Variants in MAN2B1 observed in about 807,000 individuals in gnomAD.
MAN2B1 encodes mannosidase alpha class 2B member 1.
In MAN2B1, 99 loss-of-function variants were observed where a neutral mutation model predicts 127.5. The ratio of observed to expected loss-of-function variants is 0.78; its 90% confidence interval spans 0.66 to 0.92. The LOEUF (loss-of-function observed/expected upper bound fraction) is 0.92. Ranked by LOEUF, MAN2B1 falls within the 40% of genes least tolerant of loss-of-function variation. The pLI is 0.00. For missense variants in MAN2B1, 1,304 were observed against 1,384.8 expected (o/e 0.94, Z 0.93); for synonymous variants, 573 against 568.8 (o/e 1.01, Z -0.11).
chr19:12,649,986 G>A lies in MAN2B1; in HGVS notation c.2194C>T (p.Arg732Cys), dbSNP rs199700264. ...GDTWGKEVIS[R>C]FDTPLETKGR... ...TTTGTCTCCAGCGGTGTGTCAAAAC[G>A]GCTGATGACCTCCTTCCCCCAGGTG... Residue 732 changes from arginine to cysteine, a missense_variant, in exon 18 of 24, where the codon CGT becomes TGT. Coordinates refer to ENST00000456935, the MANE Select transcript of MAN2B1 (RefSeq NM_000528.4). The A allele has an allele frequency of 1.2e-5, 20 of 1,613,896 alleles. No individual in the cohort carries two copies. The highest frequency in any genetic ancestry group is 1.6e-4 in the Middle Eastern group (1 of 6,062).
chr19:12,659,593 G>A (rs1215435612), intron 7 of MAN2B1, among the ~76,000 whole-genome samples: 3 of 151,710 alleles, frequency 2.0e-5, no homozygotes, highest in Non-Finnish European at 2.9e-5. Context: ...CAAGGCGGAC[G>A]GATCACCTGA....
Position 12,647,147 on chromosome 19 carries a change from C to T in MAN2B1, c.2923+86G>A. The T allele has an allele frequency of 7.7e-7, 1 of 1,296,024 alleles. No homozygotes were observed. The highest frequency in any genetic ancestry group is 1.1e-6 in the Non-Finnish European group (1 of 892,754). 80.3% of individuals were successfully genotyped at this position (1,296,024 alleles called of 1,614,324 possible). A position where few individuals can be genotyped will look rare whatever the true frequency, so the allele number is the denominator to read the frequency against. On this transcript the variant is annotated intron_variant, in intron 23 of 23. Transcript: ENST00000456935. The surrounding 1 kb of genome is among the most constrained non-coding windows in gnomAD (Gnocchi z 4.9). ...CCCTCATGACCTTTTTGGGTCCTGG[C>T]CAACATCCCATGCCTCACACATTGC...
rs766802139 is a variant in MAN2B1 at position 12,663,292 on chromosome 19, C to T, written c.909+25G>A. 50 of 1,613,902 alleles carry T rather than the reference C, an allele frequency of 3.1e-5. No individual in the cohort carries two copies. In the Admixed American group the frequency reaches 3.2e-4, roughly 10 times the overall value. On this transcript the variant is annotated intron_variant, in intron 6 of 23. Transcript: ENST00000456935. ...CTCATTGTATTGTATATACCGGACT[C>T]GAAGGTTCTGGACACCAGGGTTACC...
At position 12,646,724 on chromosome 19, in the gene MAN2B1, G is replaced by A. The variant is rs763382948; in HGVS notation, c.2932C>T (p.Pro978Ser). Residue 978 changes from proline (P) to serine (S), a missense_variant, in exon 24 of 24, where the codon CCC becomes TCC. Coordinates refer to ENST00000456935, the MANE Select transcript of MAN2B1 (RefSeq NM_000528.4). Reference protein sequence around the residue: ...LKWTTNTGPTPHQTPYQLDPA... With the variant: ...LKWTTNTGPTSHQTPYQLDPA... The stretch of plus-strand genomic sequence containing the variant: ...TCCAGCTGGTACGGAGTTTGGTGGG[G>A]TGTGGGGCCTGGAGAGGTGCAGGGG... The A allele has an allele frequency of 1.2e-6, 2 of 1,613,256 alleles. No homozygotes were observed. Among genetic ancestry groups the A allele is most frequent in the Non-Finnish European group, 1.7e-6 (2 of 1,179,228 alleles).
At chr19:12,648,556 A>G (rs1568298136) in intron 20 of MAN2B1, among the ~76,000 whole-genome samples, 154 bp from the exon 21 acceptor site, 2 of 152,192 alleles carry the variant, frequency 1.3e-5, no homozygotes, top group Admixed American at 6.5e-5. Context: ...GGGCAACCCC[A>G]GCAGAGGCAG....
At position 12,647,063 on chromosome 19, in the gene MAN2B1, T is replaced by C. The variant is rs1294601354; in HGVS notation, c.2923+170A>G. ...ACAAACCTCAAGACCCATTCCTGGT[T>C]TGCCGCACCCATTTCAGATCCTTTA... On this transcript the variant is annotated intron_variant, in intron 23 of 23. Coordinates refer to ENST00000456935, the MANE Select transcript of MAN2B1 (RefSeq NM_000528.4). This position sits in a 1 kb window ranked among gnomAD's most constrained non-coding sequence, Gnocchi z 4.9. The C allele has an allele frequency of 6.1e-6, 4 of 652,036 alleles. No homozygotes were observed. Among genetic ancestry groups the C allele is most frequent in the Non-Finnish European group, 8.1e-6 (3 of 369,516 alleles). 40.4% of individuals were successfully genotyped at this position (652,036 alleles called of 1,614,324 possible).
chr19:12,658,454 C>A lies in MAN2B1; in HGVS notation c.1083G>T (p.Trp361Cys). 6.2e-7 allele frequency: 1 copy of A among 1,614,200 alleles called. No homozygotes were observed. The highest frequency in any genetic ancestry group is 8.5e-7 in the Non-Finnish European group (1 of 1,180,040). Residue 361 changes from tryptophan to cysteine, a missense_variant, in exon 8 of 24, where the codon TGG becomes TGT. Trp to Cys is a radical substitution (Grantham distance 215, BLOSUM62 -2). Transcript: ENST00000456935. ...AGGTGAGGTTGGCCTTGTTCAGCTCCCAGAGGTAACAAGCGGGGGTGGAGT... is the reference window on the plus strand; with the variant it reads ...AGGTGAGGTTGGCCTTGTTCAGCTCACAGAGGTAACAAGCGGGGGTGGAGT... ...VLYSTPACYL[W>C]ELNKANLTWS...
intron 9 of MAN2B1, 34 bp downstream of exon 9, chr19:12,658,190 G>T: frequency 6.2e-7 from 1 of 1,613,800 alleles, no homozygotes; most frequent in South Asian, 1.1e-5. Flanking sequence ...GGGCCTCGGG[G>T]CTGCATGCCC....
rs1408334891 is a variant in MAN2B1 at position 12,666,640 on chromosome 19, G to A, written c.62C>T (p.Pro21Leu). 3 of 1,554,392 alleles carry A rather than the reference G, an allele frequency of 1.9e-6. No homozygotes were observed. The highest frequency in any genetic ancestry group is 2.6e-6 in the Non-Finnish European group (3 of 1,149,068). Reference sequence around the variant, plus strand: ...CCGCAGGGCGCGGGACATGGTCCAGGGGCCTGCTGAGTCCAGGCAGCCGCG... The same window carrying A: ...CCGCAGGGCGCGGGACATGGTCCAGAGGCCTGCTGAGTCCAGGCAGCCGCG... ...CARGCLDSAG[P>L]WTMSRALRPP... Residue 21 changes from proline to leucine, a missense_variant, in exon 1 of 24, where the codon CCC becomes CTC. Transcript: ENST00000456935.
rs2023734366 is a variant in MAN2B1, at chr19:12,647,936, G to C, written c.2664+239C>G. 6.6e-6 allele frequency among the ~76,000 whole-genome samples: 1 copy of C among 152,148 alleles called. No homozygotes were observed. Among genetic ancestry groups the C allele is most frequent in the South Asian group, 2.1e-4 (1 of 4,834 alleles). ...GGCGGGGCTAAAGTGAAATGGGCGGGGCCGGAGGTGAGTTGGTGGTTTAGG... is the reference window on the plus strand; with the variant it reads ...GGCGGGGCTAAAGTGAAATGGGCGGCGCCGGAGGTGAGTTGGTGGTTTAGG... On this transcript the variant is annotated intron_variant, in intron 21 of 23. Coordinates refer to ENST00000456935, the MANE Select transcript of MAN2B1 (RefSeq NM_000528.4). The surrounding 1 kb of genome is among the most constrained non-coding windows in gnomAD (Gnocchi z 4.9).
rs2023976222 is a variant in MAN2B1, at chr19:12,656,937, G to T, written c.1527+12C>A. ...CATCTGCCCTAGATCCACCCCTCCC[G>T]TCCCGGCTCACGCGCGCCGCCGTCT... On this transcript the variant is annotated intron_variant, in intron 12 of 23. Coordinates refer to ENST00000456935, the MANE Select transcript of MAN2B1 (RefSeq NM_000528.4). 1.2e-6 allele frequency: 2 copies of T among 1,607,780 alleles called. No homozygotes were observed. Among genetic ancestry groups the T allele is most frequent in the African/African-American group, 1.3e-5 (1 of 74,820 alleles).
intron 14 of MAN2B1, among the ~76,000 whole-genome samples, chr19:12,655,081 C>T (rs1372160353): frequency 1.3e-5 from 2 of 152,206 alleles, no homozygotes; most frequent in African/African-American, 2.4e-5. Context: ...AACCTCCCAT[C>T]TGGGCCTCCC....
At position 12,649,131 on chromosome 19, in the gene MAN2B1, C is replaced by T; in HGVS notation, c.2436+5G>A. ...CTGGCTCGGATGGGGCTCTGACCCA[C>T]TCACCATGAGCTCCAGCGAGCCATC... On this transcript the variant is annotated splice_donor_5th_base_variant and intron_variant, in intron 20 of 23. Transcript: ENST00000456935. 6.2e-7 allele frequency: 1 copy of T among 1,611,718 alleles called. No individual in the cohort carries two copies. The highest frequency in any genetic ancestry group is 8.5e-7 in the Non-Finnish European group (1 of 1,179,604).
intron 12 of MAN2B1, 49 bp from the exon 13 acceptor site, chr19:12,656,736 C>G: frequency 7.3e-7 from 1 of 1,362,008 alleles, no homozygotes; most frequent in Non-Finnish European, 1.1e-6. Context: ...AGGCCTTCTC[C>G]AAACCCACCC....
chr19:12,655,607 G>A (rs2145249780), intron 14 of MAN2B1, 87 bp downstream of exon 14: 1 of 1,372,106 alleles, frequency 7.3e-7, no homozygotes, highest in Non-Finnish European at 1.0e-6. Context: ...TAAGCCTAGG[G>A]ACCTGCTGAC....
At chr19:12,659,819 C>CAATAAATA (rs983152701) in intron 7 of MAN2B1, among the ~76,000 whole-genome samples, 2 of 149,290 alleles carry the variant, frequency 1.3e-5, no homozygotes, top group South Asian at 4.3e-4. Context: ...ACTCTTGTCT[C>CAATAAATA]AATAAATAAA....
At position 12,647,598 on chromosome 19, in the gene MAN2B1, A is replaced by C. The variant is rs1161966249; in HGVS notation, c.2665T>G (p.Phe889Val). Residue 889 changes from phenylalanine to valine, a missense_variant and splice_region_variant, in exon 22 of 24, where the codon TTC becomes GTC. Coordinates refer to ENST00000456935, the MANE Select transcript of MAN2B1 (RefSeq NM_000528.4). This position sits in a 1 kb window ranked among gnomAD's most constrained non-coding sequence, Gnocchi z 4.9. ...GGCAGGTCCCTGCGCAGCCCTGAGA[A>C]CTGCGGGAGAGAGGGCGGGGCTGAG... ...YNLGAPPRTQ[F>V]SGLRRDLPPS... 1.9e-6 allele frequency: 3 copies of C among 1,606,618 alleles called. No individual in the cohort carries two copies. Among genetic ancestry groups the C allele is most frequent in the East Asian group, 4.5e-5 (2 of 44,502 alleles).
In MAN2B1 at chr19:12,665,379, C is replaced by G. The variant is rs765801028; in HGVS notation, c.409G>C (p.Glu137Gln). The G allele has an allele frequency of 3.7e-6, 6 of 1,609,896 alleles. No individual in the cohort carries two copies. The highest frequency in any genetic ancestry group is 5.1e-6 in the Non-Finnish European group (6 of 1,180,024). The change falls in exon 3 of 24, where the codon GAA becomes CAA. Residue 137 changes from glutamate (E) to glutamine (Q), a missense_variant. Coordinates refer to ENST00000456935, the MANE Select transcript of MAN2B1 (RefSeq NM_000528.4). ...WWHQQTNATQ[E>Q]VVRDLVRQGR... ...TGGCGCACAAGGTCTCGCACGACTTCCTGTGTGGCATTTGTCTGCTGGTGC... is the reference window on the plus strand; with the variant it reads ...TGGCGCACAAGGTCTCGCACGACTTGCTGTGTGGCATTTGTCTGCTGGTGC...
chr19:12,652,457 T>C lies in MAN2B1; in HGVS notation c.1834A>G (p.Ile612Val). The change falls in exon 15 of 24, where the codon ATC becomes GTC. Residue 612 changes from isoleucine to valine, a missense_variant. By Grantham distance (29) the Ile-to-Val change is conservative. Coordinates refer to ENST00000456935, the MANE Select transcript of MAN2B1 (RefSeq NM_000528.4). ...GTGTCAGGATCAAACGTTGCCCGGATGTGCTGGGCAGAAAAGGGTCCACAG... is the reference window on the plus strand; with the variant it reads ...GTGTCAGGATCAAACGTTGCCCGGACGTGCTGGGCAGAAAAGGGTCCACAG... ...SPALTIENEH[I>V]RATFDPDTGL... The C allele has an allele frequency of 1.2e-6, 2 of 1,612,698 alleles. No individual in the cohort carries two copies. The highest frequency in any genetic ancestry group is 1.6e-4 in the Middle Eastern group (1 of 6,062).
Sources: gnomAD v4.1 joint callset for allele counts (sites outside exome capture counted in the v4.1 genomes callset) on GRCh38, gnomAD v4.1.1 for gene constraint, Gnocchi (gnomAD v3.1) non-coding constraint, MANE v1.5 for transcripts, NCBI Gene and HGNC (gene_info 2026-07-23, HGNC 2026-07-21) for gene names.